The following UBE2B variants were observed in gnomAD, a reference collection of about 807,000 sequenced individuals.
The protein encoded by UBE2B is ubiquitin conjugating enzyme E2 B.
Under a neutral mutation model 24.6 loss-of-function variants are expected in UBE2B, and 11 were observed. The observed-to-expected ratio is 0.45, with a 90% CI of 0.28 to 0.74. UBE2B has a LOEUF of 0.74. Ranked by LOEUF, UBE2B falls within the 30% of genes least tolerant of loss-of-function variation. The probability of loss-of-function intolerance (pLI) is 0.13; values close to 1 mark genes in which losing one functional copy is unlikely to be tolerated. For missense variants in UBE2B, 78 were observed against 185.6 expected, an observed-to-expected ratio of 0.42 and a Z score of 3.37; for synonymous variants, 68 against 62.4, an observed-to-expected ratio of 1.09 and a Z score of -0.42.
chr5:134,375,815 A>C (rs932225583), intron 2 of UBE2B, among the ~76,000 whole-genome samples: 1 of 150,992 alleles, frequency 6.6e-6, no homozygotes, highest in Admixed American at 6.6e-5. Context: ...AAAAAAAAAA[A>C]AAAAAAAAAA....
At chr5:134,380,656 A>C in intron 3 of UBE2B, 63 bp from the exon 4 acceptor site, 1 of 958,592 alleles carries the variant, frequency 1.0e-6, no homozygotes, top group South Asian at 1.4e-5. Flanking sequence ...TGCAGTTGAG[A>C]ACTGATGAAG....
intron 4 of UBE2B, among the ~76,000 whole-genome samples, chr5:134,381,207 C>T (rs571624230): frequency 6.6e-6 from 1 of 151,804 alleles, no homozygotes; most frequent in African/African-American, 2.4e-5. Flanking sequence ...ACCTTGTGAT[C>T]TGCCCACCTT....
chr5:134,383,812 T>G (rs1050392064), intron 4 of UBE2B, among the ~76,000 whole-genome samples: 9 of 152,086 alleles, frequency 5.9e-5, no homozygotes, highest in African/African-American at 2.2e-4. Context: ...GTTTTTTGTT[T>G]GTTTTTTTAA....
chr5:134,387,054 G>T (rs1758817395), intron 4 of UBE2B, among the ~76,000 whole-genome samples: 1 of 151,712 alleles, frequency 6.6e-6, no homozygotes, highest in South Asian at 2.1e-4. Context: ...CTGCCTCCTG[G>T]GTTCAAGCAA....
At position 134,390,080 on chromosome 5, in the gene UBE2B, T is replaced by C; in HGVS notation, c.331-145T>C. On this transcript the variant is annotated intron_variant, in intron 5 of 5. Coordinates refer to ENST00000265339, the MANE Select transcript of UBE2B (RefSeq NM_003337.4). This position sits in a 1 kb window ranked among gnomAD's most constrained non-coding sequence, Gnocchi z 4.6. Reference sequence around the variant, plus strand: ...GTATTTATCAAATCATTTCTAAAAGTATTTAGACCCAAAATTATATGACAT... The same window carrying C: ...GTATTTATCAAATCATTTCTAAAAGCATTTAGACCCAAAATTATATGACAT... The C allele has an allele frequency of 1.1e-6, 1 of 949,708 alleles. No individual in the cohort carries two copies. The highest frequency in any genetic ancestry group is 1.6e-6 in the Non-Finnish European group (1 of 620,942). The allele number at this position is 949,708 out of a possible 1,614,324, so 58.8% of individuals were successfully genotyped here.
At chr5:134,381,719 G>A (rs895258279) in intron 4 of UBE2B, among the ~76,000 whole-genome samples, 30 of 151,884 alleles carry the variant, frequency 2.0e-4, no homozygotes, top group African/African-American at 6.3e-4. Context: ...CAAGGTGGGC[G>A]GATCACCTGA....
intron 4 of UBE2B, among the ~76,000 whole-genome samples, chr5:134,386,977 T>A (rs937161889): frequency 1.9e-4 from 28 of 147,054 alleles, no homozygotes; most frequent in Non-Finnish European, 3.7e-4. Flanking sequence ...TTTTTTTTTT[T>A]AAGATAGAGT....
chr5:134,388,477 G>A, intron 5 of UBE2B, 64 bp downstream of exon 5: 1 of 1,444,694 alleles, frequency 6.9e-7, no homozygotes, highest in Non-Finnish European at 9.7e-7. Flanking sequence ...CAGCTCCTTA[G>A]CACACAGGTA....
At chr5:134,388,001 C>T in intron 4 of UBE2B, 1 of 287,568 alleles carries the variant, frequency 3.5e-6, no homozygotes, top group Non-Finnish European at 6.7e-6. Flanking sequence ...TGGGGTTTCA[C>T]TGTGTTGGCC....
chr5:134,376,362 T>TATATATATATATATATATAC (rs1183340869), intron 2 of UBE2B, among the ~76,000 whole-genome samples: 2 of 89,480 alleles, frequency 2.2e-5, no homozygotes, highest in African/African-American at 8.2e-5. Flanking sequence ...TATATATATA[T>TATATATATATATATATATAC]ATACACATAT....
intron 2 of UBE2B, among the ~76,000 whole-genome samples, chr5:134,376,101 C>T (rs1030858800): frequency 6.7e-6 from 1 of 150,290 alleles, no homozygotes; most frequent in African/African-American, 2.4e-5. Context: ...TGGGAGGCTG[C>T]GATGAGTGGA....
chr5:134,375,911 A>G (rs986745749), intron 2 of UBE2B, among the ~76,000 whole-genome samples: 6 of 151,868 alleles, frequency 4.0e-5, no homozygotes, highest in Admixed American at 1.3e-4. Flanking sequence ...GGTGACAACT[A>G]TGCTTAGCCT....
intron 3 of UBE2B, among the ~76,000 whole-genome samples, chr5:134,379,616 A>C (rs1273195394): frequency 6.7e-6 from 1 of 148,242 alleles, no homozygotes; most frequent in African/African-American, 2.5e-5. Context: ...ATTGCACTCC[A>C]GCCTGGGCAA....
rs575914149 is a variant in UBE2B at position 134,375,202 on chromosome 5, G to A, written c.125+739G>A. 1.1e-3 allele frequency among the ~76,000 whole-genome samples: 170 copies of A among 152,162 alleles called. 2 individuals carry two copies. Among genetic ancestry groups the A allele is most frequent in the Non-Finnish European group, 1.9e-3 (126 of 68,022 alleles). ...CTTCCACTGTGGCAAGAATTTAAGC[G>A]AAAATGATTCACAGCCCAGTGTGAA... On this transcript the variant is annotated intron_variant, in intron 2 of 5. Transcript: ENST00000265339.
chr5:134,374,474 A>G lies in UBE2B; in HGVS notation c.125+11A>G. On this transcript the variant is annotated intron_variant, in intron 2 of 5. Transcript: ENST00000265339. ...TGCAGTTATATTTGGGTGAGTTGAA[A>G]GGTTTAACAAATAATAGGTGTGTGC... is the stretch of plus-strand genomic sequence containing the variant. The G allele has an allele frequency of 6.4e-7, 1 of 1,552,244 alleles. No individual in the cohort carries two copies. The highest frequency in any genetic ancestry group is 1.4e-5 in the African/African-American group (1 of 73,224).
rs1758897017 is a variant in UBE2B at position 134,391,588 on chromosome 5, T to G, written c.*1235T>G. 1.3e-5 allele frequency: 2 copies of G among 152,654 alleles called. No homozygotes were observed. Among genetic ancestry groups the G allele is most frequent in the Non-Finnish European group, 2.9e-5 (2 of 68,032 alleles). The allele number at this position is 152,654 out of a possible 1,614,324, so 9.5% of individuals were successfully genotyped here. A position where few individuals can be genotyped will look rare whatever the true frequency, so the allele number is the denominator to read the frequency against. ...CTATTTTAGTAACCCCAAGAGTTTC[T>G]TCTCATATCCATAAAATTGGATTAC... On this transcript the variant is annotated 3_prime_UTR_variant, in exon 6 of 6. Coordinates refer to ENST00000265339, the MANE Select transcript of UBE2B (RefSeq NM_003337.4).
rs1581328455 is a variant in UBE2B at position 134,390,825 on chromosome 5, A to C, written c.*472A>C. On this transcript the variant is annotated 3_prime_UTR_variant, in exon 6 of 6. Coordinates refer to ENST00000265339, the MANE Select transcript of UBE2B (RefSeq NM_003337.4). This position sits in a 1 kb window ranked among gnomAD's most constrained non-coding sequence, Gnocchi z 4.6. ...CTTATGTGTGTAGGAGGGGTTAATA[A>C]GTCTCTAGCTCTCCATCTATTGATA... is the stretch of plus-strand genomic sequence containing the variant. 1 of 159,306 alleles carries C rather than the reference A, an allele frequency of 6.3e-6. No homozygotes were observed. The highest frequency in any genetic ancestry group is 1.8e-4 in the East Asian group (1 of 5,524). The allele number at this position is 159,306 out of a possible 1,614,324, so 9.9% of individuals were successfully genotyped here.
At chr5:134,379,887 A>G (rs1253901350) in intron 3 of UBE2B, among the ~76,000 whole-genome samples, 1 of 152,030 alleles carries the variant, frequency 6.6e-6, no homozygotes, top group Non-Finnish European at 1.5e-5. Context: ...ATTTTAATTT[A>G]TATTCTGTGT....
intron 4 of UBE2B, among the ~76,000 whole-genome samples, chr5:134,386,064 C>T (rs1758795943): frequency 6.6e-6 from 1 of 151,658 alleles, no homozygotes; most frequent in Non-Finnish European, 1.5e-5. Flanking sequence ...CTGTGGCTCA[C>T]ACCTGTAATC....
Sources: gnomAD v4.1 joint callset for allele counts (sites outside exome capture counted in the v4.1 genomes callset) on GRCh38, gnomAD v4.1.1 for gene constraint, Gnocchi (gnomAD v3.1) non-coding constraint, MANE v1.5 for transcripts, NCBI Gene and HGNC (gene_info 2026-07-23, HGNC 2026-07-21) for gene names.